Variants in B3GALT1 observed in about 807,000 individuals in gnomAD.
B3GALT1 encodes UDP-Gal:betaGlcNAc beta 1,3-galactosyltransferase, polypeptide 1.
Under a neutral mutation model 23.2 loss-of-function variants are expected in B3GALT1, and 10 were observed. The observed-to-expected ratio is 0.43, with a 90% CI of 0.27 to 0.73. The LOEUF is 0.73. Among genes scored for constraint, B3GALT1 ranks in the 30% least tolerant of loss-of-function variants. The probability of loss-of-function intolerance (pLI) is 0.21; values close to 1 mark genes in which losing one functional copy is unlikely to be tolerated. For synonymous variants in B3GALT1, 156 were observed against 141.5 expected, an observed-to-expected ratio of 1.10 and a Z score of -0.73; for missense variants, 299 against 405.4, an observed-to-expected ratio of 0.74 and a Z score of 2.25.
intron 3 of B3GALT1, among the ~76,000 whole-genome samples, chr2:167,716,746 T>C (rs1159541759): frequency 6.6e-6 from 1 of 152,234 alleles, no homozygotes; most frequent in Non-Finnish European, 1.5e-5. Flanking sequence ...TCTCTGCTTA[T>C]TTTTGATGAC....
At chr2:167,535,119 C>A (rs1161630707) in intron 2 of B3GALT1, among the ~76,000 whole-genome samples, 3 of 151,912 alleles carry the variant, frequency 2.0e-5, no homozygotes, top group Non-Finnish European at 4.4e-5. Flanking sequence ...GCTAAGTCAT[C>A]AAGGGAACAA....
intron 1 of B3GALT1, among the ~76,000 whole-genome samples, chr2:167,393,131 G>T (rs1698042527): frequency 6.6e-6 from 1 of 152,074 alleles, no homozygotes; most frequent in Admixed American, 6.5e-5. Flanking sequence ...CTGCTTGGGA[G>T]GCTGAGGCAG....
chr2:167,795,188 T>C (rs537943408), intron 3 of B3GALT1, among the ~76,000 whole-genome samples: 5 of 152,290 alleles, frequency 3.3e-5, no homozygotes, highest in East Asian at 1.9e-4. Context: ...TGGAAAACTA[T>C]CATTTATACT....
At chr2:167,579,014 G>T (rs757361065) in intron 2 of B3GALT1, among the ~76,000 whole-genome samples, 4 of 152,074 alleles carry the variant, frequency 2.6e-5, no homozygotes, top group Admixed American at 6.6e-5. Context: ...TAAGTTTGTG[G>T]TAATAGGGCG....
chr2:167,614,656 C>T (rs1054745050), intron 2 of B3GALT1, among the ~76,000 whole-genome samples: 7 of 151,840 alleles, frequency 4.6e-5, no homozygotes, highest in Non-Finnish European at 1.0e-4. Flanking sequence ...CAGTATGGAA[C>T]GAATAGATAT....
chr2:167,418,414 GAA>G (rs200328760), intron 1 of B3GALT1, among the ~76,000 whole-genome samples: 8 of 140,114 alleles, frequency 5.7e-5, no homozygotes, highest in African/African-American at 7.8e-5. Flanking sequence ...AAAGGATGAT[GAA>G]AAAAAAAAAA....
intron 1 of B3GALT1, among the ~76,000 whole-genome samples, chr2:167,311,426 A>G (rs994691903): frequency 1.1e-4 from 17 of 152,224 alleles, no homozygotes; most frequent in African/African-American, 4.1e-4. Flanking sequence ...ATTTGAATCA[A>G]GGAAAGATTA....
chr2:167,725,459 A>G (rs1028016881), intron 3 of B3GALT1, among the ~76,000 whole-genome samples: 1 of 152,224 alleles, frequency 6.6e-6, no homozygotes, highest in African/African-American at 2.4e-5. Context: ...TGAACTAATA[A>G]TGTTAAGCCA....
In B3GALT1 at chr2:167,506,921, A is replaced by T. The variant is rs141464185; in HGVS notation, c.-410+16644A>T. Among the ~76,000 whole-genome samples the T allele has an allele frequency of 2.6e-4, 39 of 152,214 alleles. 2 individuals carry two copies. The East Asian group carries it at 6.8e-3, about 26-fold the overall frequency. ...TATAAAGTGAGTGAGTAGAACATGA[A>T]CCCTAAAAGATTAGGTGGGACAAGA... On this transcript the variant is annotated intron_variant, in intron 2 of 4. Transcript: ENST00000392690.
chr2:167,848,838 G>A (rs1387471406), intron 4 of B3GALT1, among the ~76,000 whole-genome samples: 1 of 151,694 alleles, frequency 6.6e-6, no homozygotes, highest in Non-Finnish European at 1.5e-5. Context: ...TGTTTACCTT[G>A]AAAACCCTAA....
In B3GALT1 at chr2:167,603,672, T is replaced by C. The variant is rs1450551805; in HGVS notation, c.-409-43237T>C. On this transcript the variant is annotated intron_variant, in intron 2 of 4. Coordinates refer to ENST00000392690, the MANE Select transcript of B3GALT1 (RefSeq NM_020981.4). ...TTGCCTGTTTGTTCACATCCATATT[T>C]GGCAGCCAGTTGCCTCTATATGTGA... 5.3e-5 allele frequency among the ~76,000 whole-genome samples: 8 copies of C among 152,242 alleles called. No individual in the cohort carries two copies. In the East Asian group the frequency reaches 1.5e-3, roughly 29 times the overall value.
chr2:167,391,940 T>C (rs1698019442), intron 1 of B3GALT1, among the ~76,000 whole-genome samples: 1 of 152,172 alleles, frequency 6.6e-6, no homozygotes. Flanking sequence ...AAGGTAAATC[T>C]GAATGGCAAA....
chr2:167,689,695 C>T (rs1686679437), intron 3 of B3GALT1, among the ~76,000 whole-genome samples: 1 of 151,954 alleles, frequency 6.6e-6, no homozygotes, highest in South Asian at 2.1e-4. Flanking sequence ...GTCAAAGCAG[C>T]GAGACAGGCA....
At chr2:167,369,659 A>G (rs1697648339) in intron 1 of B3GALT1, among the ~76,000 whole-genome samples, 1 of 152,138 alleles carries the variant, frequency 6.6e-6, no homozygotes, top group African/African-American at 2.4e-5. Context: ...GAGTACATTA[A>G]GTGGGGGAAA....
At chr2:167,668,747 A>C (rs1686262323) in intron 3 of B3GALT1, among the ~76,000 whole-genome samples, 1 of 152,122 alleles carries the variant, frequency 6.6e-6, no homozygotes, top group Non-Finnish European at 1.5e-5. Flanking sequence ...TTGACTAGGA[A>C]AGGGAACTCC....
chr2:167,415,584 G>T (rs889953189), intron 1 of B3GALT1, among the ~76,000 whole-genome samples: 1 of 152,168 alleles, frequency 6.6e-6, no homozygotes, highest in Non-Finnish European at 1.5e-5. Flanking sequence ...GAGTTTGAAG[G>T]AGCAGGCTAG....
chr2:167,849,839 G>A (rs143966195), intron 4 of B3GALT1, among the ~76,000 whole-genome samples: 1,677 of 148,190 alleles, frequency 0.011, 29 homozygotes, highest in African/African-American at 0.039. Context: ...GCAGTGAGCC[G>A]AGATCGCGCC....
intron 2 of B3GALT1, among the ~76,000 whole-genome samples, chr2:167,581,959 C>T (rs1397012572): frequency 1.3e-5 from 2 of 152,098 alleles, no homozygotes; most frequent in African/African-American, 4.8e-5. Context: ...CATATGTGTA[C>T]TGGTGAAACT....
chr2:167,873,407 C>T lies in B3GALT1; in HGVS notation c.*3387C>T, dbSNP rs1427989227. 1 of 152,006 alleles carries T rather than the reference C, an allele frequency of 6.6e-6. No individual in the cohort carries two copies. Among genetic ancestry groups the T allele is most frequent in the Admixed American group, 6.6e-5 (1 of 15,258 alleles). 9.4% of individuals were successfully genotyped at this position (152,006 alleles called of 1,614,324 possible). On this transcript the variant is annotated 3_prime_UTR_variant, in exon 5 of 5. Coordinates refer to ENST00000392690, the MANE Select transcript of B3GALT1 (RefSeq NM_020981.4). Reference sequence around the variant, plus strand: ...TGGATTCAATTCAGAAGAATAAAACCCCTTTGCGTGACACGATATGGGGAA... The same window carrying T: ...TGGATTCAATTCAGAAGAATAAAACTCCTTTGCGTGACACGATATGGGGAA...
Sources: allele counts gnomAD v4.1 joint callset (sites outside exome capture counted in the v4.1 genomes callset), GRCh38; gene constraint gnomAD v4.1.1; transcripts MANE v1.5; gene names NCBI Gene and HGNC (gene_info 2026-07-23, HGNC 2026-07-21).